TMSB10: variants seen among roughly 807,000 people sequenced by gnomAD.
The protein encoded by TMSB10 is thymosin beta 10, also known as thymosin beta-10.
Under a neutral mutation model 4.5 loss-of-function variants are expected in TMSB10, and 4 were observed. That is an observed-to-expected ratio of 0.89 (90% CI 0.44 to 2.03). The LOEUF (loss-of-function observed/expected upper bound fraction) is 2.03, where lower values mean the gene tolerates loss of function less well. TMSB10 is among the 30% of genes most tolerant of loss of function. TMSB10 has a pLI of 0.03. For missense variants in TMSB10, 44 were observed against 53.9 expected (o/e 0.82, Z 0.57); for synonymous variants, 17 against 20.3 (o/e 0.84, Z 0.44).
At chr2:84,906,312 C>A in intron 2 of TMSB10, 77 bp from the exon 3 acceptor site, 1 of 1,518,602 alleles carries the variant, frequency 6.6e-7, no homozygotes, top group South Asian at 1.2e-5. Flanking sequence ...GTGGGTGCCT[C>A]GCCCACACCG....
At position 84,905,911 on chromosome 2, in the gene TMSB10, G is replaced by A. The variant is rs1384418828; in HGVS notation, c.-15-92G>A. ...CCTTGGGGCTGCTCGGCACGCCTTG[G>A]CGCGAGTGCCACGTCGAGAGGCGTC... On this transcript the variant is annotated intron_variant, in intron 1 of 2. Coordinates refer to ENST00000233143, the MANE Select transcript of TMSB10 (RefSeq NM_021103.4). 3.7e-6 allele frequency: 4 copies of A among 1,069,312 alleles called. No individual in the cohort carries two copies. In the Admixed American group the frequency reaches 6.2e-5, roughly 17 times the overall value. 66.2% of individuals were successfully genotyped at this position (1,069,312 alleles called of 1,614,324 possible).
chr2:84,905,905 G>T, intron 1 of TMSB10, 98 bp from the exon 2 acceptor site: 2 of 993,912 alleles, frequency 2.0e-6, no homozygotes, highest in African/African-American at 1.6e-5. Context: ...TGCTCGGCAC[G>T]CCTTGGCGCG....
rs377588100 is a variant in TMSB10 at position 84,906,200 on chromosome 2, C to A, written c.100+83C>A. Reference sequence around the variant, plus strand: ...CAAACCCACTCCTCCACCCCCCACCCCGCCGTTGTCCCCGGTGTGGGCGGC... The same window carrying A: ...CAAACCCACTCCTCCACCCCCCACCACGCCGTTGTCCCCGGTGTGGGCGGC... On this transcript the variant is annotated intron_variant, in intron 2 of 2. Coordinates refer to ENST00000233143, the MANE Select transcript of TMSB10 (RefSeq NM_021103.4). The A allele has an allele frequency of 1.2e-4, 172 of 1,466,852 alleles. No individual in the cohort carries two copies. The African/African-American group carries it at 1.5e-3, about 13-fold the overall frequency. The allele number at this position is 1,466,852 out of a possible 1,614,324, so 90.9% of individuals were successfully genotyped here.
intron 2 of TMSB10, 66 bp downstream of exon 2, chr2:84,906,183 C>T (rs1461268481): frequency 2.6e-6 from 4 of 1,509,610 alleles, no homozygotes; most frequent in African/African-American, 1.4e-5. Flanking sequence ...TGCAAACCCA[C>T]TCCTCCACCC....
At chr2:84,906,299 C>G in intron 2 of TMSB10, 90 bp from the exon 3 acceptor site, 1 of 1,496,270 alleles carries the variant, frequency 6.7e-7, no homozygotes, top group Non-Finnish European at 9.0e-7. Context: ...ATCCCCACAC[C>G]TCGTGGGTGC....
rs779603945 is a variant in TMSB10 at position 84,906,069 on chromosome 2, C to T, written c.52C>T (p.Leu18=). The T allele has an allele frequency of 6.2e-7, 1 of 1,614,080 alleles. No homozygotes were observed. Among genetic ancestry groups the T allele is most frequent in the Admixed American group, 1.7e-5 (1 of 60,010 alleles). The change falls in exon 2 of 3, where the codon CTG becomes TTG. Residue 18 remains leucine, a synonymous_variant. Transcript: ENST00000233143. ...AATCGCCAGCTTCGATAAGGCCAAG[C>T]TGAAGAAAACGGAGACGCAGGAGAA... ...GEIASFDKAK[L]KKTETQEKNT... is the part of the protein sequence containing the mutation.
At position 84,906,460 on chromosome 2, in the gene TMSB10, A is replaced by T. The variant is rs1281281744; in HGVS notation, c.*37A>T. The T allele has an allele frequency of 1.9e-6, 3 of 1,590,980 alleles. No homozygotes were observed. Among genetic ancestry groups the T allele is most frequent in the Admixed American group, 3.4e-5 (2 of 58,042 alleles). ...ATTTCCTACCCCCGTCCTCTTCGAGACCCCAGTCGTGATGTGGAGGAAGAG... is the reference window on the plus strand; with the variant it reads ...ATTTCCTACCCCCGTCCTCTTCGAGTCCCCAGTCGTGATGTGGAGGAAGAG... On this transcript the variant is annotated 3_prime_UTR_variant, in exon 3 of 3. Transcript: ENST00000233143.
intron 1 of TMSB10, 110 bp downstream of exon 1, chr2:84,905,828 G>C: frequency 4.3e-6 from 2 of 468,662 alleles, no homozygotes; most frequent in Non-Finnish European, 7.5e-6. Context: ...GGACGCAGGG[G>C]CCGGCGACCA....
At chr2:84,906,289 A>G in intron 2 of TMSB10, 100 bp from the exon 3 acceptor site, 2 of 1,473,740 alleles carry the variant, frequency 1.4e-6, no homozygotes, top group East Asian at 5.0e-5. Flanking sequence ...TTCCTTCTAA[A>G]TCCCCACACC....
At position 84,905,915 on chromosome 2, in the gene TMSB10, G is replaced by T. The variant is rs566477953; in HGVS notation, c.-15-88G>T. The T allele has an allele frequency of 4.2e-4, 465 of 1,107,504 alleles. 4 individuals carry two copies. The East Asian group carries it at 0.012, about 27-fold the overall frequency. 68.6% of individuals were successfully genotyped at this position (1,107,504 alleles called of 1,614,324 possible). A position where few individuals can be genotyped will look rare whatever the true frequency, so the allele number is the denominator to read the frequency against. On this transcript the variant is annotated intron_variant, in intron 1 of 2. Transcript: ENST00000233143. ...GGGGCTGCTCGGCACGCCTTGGCGC[G>T]AGTGCCACGTCGAGAGGCGTCGGCG... is the stretch of plus-strand genomic sequence containing the variant.
Position 84,906,446 on chromosome 2 carries a change from CCGT to C in TMSB10, c.*25_*27del, listed in dbSNP as rs768983646. ...TAAGATCCTGGAGGATTTCCTACCC[CCGT>C]CCTCTTCGAGACCCCAGTCGTGATG... is the stretch of plus-strand genomic sequence containing the variant. On this transcript the variant is annotated 3_prime_UTR_variant, in exon 3 of 3. Coordinates refer to ENST00000233143, the MANE Select transcript of TMSB10 (RefSeq NM_021103.4). 5 of 1,602,184 alleles carry C rather than the reference CCGT, an allele frequency of 3.1e-6. No individual in the cohort carries two copies. The East Asian group carries it at 1.1e-4, about 36-fold the overall frequency.
chr2:84,906,276 A>G, intron 2 of TMSB10, 113 bp from the exon 3 acceptor site: 2 of 1,459,944 alleles, frequency 1.4e-6, no homozygotes, highest in Middle Eastern at 1.8e-4. Context: ...CCCAGCCCCA[A>G]GCTTCCTTCT....
At position 84,906,115 on chromosome 2, in the gene TMSB10, A is replaced by G; in HGVS notation, c.98A>G (p.Glu33Gly). 6.2e-7 allele frequency: 1 copy of G among 1,613,968 alleles called. No individual in the cohort carries two copies. Among genetic ancestry groups the G allele is most frequent in the Non-Finnish European group, 8.5e-7 (1 of 1,179,930 alleles). ...GAGAAGAACACCCTGCCGACCAAAG[A>G]GAGTGAGTGTGCCTCGGTCTCCCGC... is the stretch of plus-strand genomic sequence containing the variant. ...TQEKNTLPTKETIEQEKRSEI... is the reference protein window; with the variant it reads ...TQEKNTLPTKGTIEQEKRSEI... Residue 33 changes from glutamate (E) to glycine (G), a missense_variant and splice_region_variant, in exon 2 of 3, where the codon GAG becomes GGG. Transcript: ENST00000233143.
At chr2:84,905,785 C>T in intron 1 of TMSB10, 67 bp downstream of exon 1, 2 of 393,012 alleles carry the variant, frequency 5.1e-6, no homozygotes, top group South Asian at 6.2e-5. Flanking sequence ...CGGGCGGGCG[C>T]GCCGCAACCG....
At chr2:84,905,900 G>A in intron 1 of TMSB10, 103 bp from the exon 2 acceptor site, 1 of 941,036 alleles carries the variant, frequency 1.1e-6, no homozygotes, top group African/African-American at 1.6e-5. Context: ...GGGGCTGCTC[G>A]GCACGCCTTG....
In TMSB10 at chr2:84,906,107, G is replaced by A. The variant is rs1046274430; in HGVS notation, c.90G>A (p.Pro30=). 6.2e-7 allele frequency: 1 copy of A among 1,613,930 alleles called. No individual in the cohort carries two copies. Among genetic ancestry groups the A allele is most frequent in the Non-Finnish European group, 8.5e-7 (1 of 1,179,936 alleles). Residue 30 remains proline, a synonymous_variant, in exon 2 of 3, where the codon CCG becomes CCA. Transcript: ENST00000233143. ...KTETQEKNTL[P]TKETIEQEKR... is the part of the protein sequence containing the mutation. ...AGACGCAGGAGAAGAACACCCTGCC[G>A]ACCAAAGAGAGTGAGTGTGCCTCGG...
chr2:84,905,768 G>A (rs2105433129), intron 1 of TMSB10, 50 bp downstream of exon 1: 1 of 373,676 alleles, frequency 2.7e-6, no homozygotes, highest in South Asian at 3.1e-5. Context: ...GGTCGGATCC[G>A]GTGCACCGGG....
Position 84,906,484 on chromosome 2 carries a change from A to G in TMSB10, c.*61A>G. ...GACCCCAGTCGTGATGTGGAGGAAG[A>G]GCCACCTGCAAGATGGACACGAGCC... is the stretch of plus-strand genomic sequence containing the variant. On this transcript the variant is annotated 3_prime_UTR_variant, in exon 3 of 3. Transcript: ENST00000233143. 2.0e-6 allele frequency: 3 copies of G among 1,531,064 alleles called. No individual in the cohort carries two copies. Among genetic ancestry groups the G allele is most frequent in the South Asian group, 2.4e-5 (2 of 82,684 alleles). The allele number at this position is 1,531,064 out of a possible 1,614,324, so 94.8% of individuals were successfully genotyped here.
intron 1 of TMSB10, 84 bp downstream of exon 1, chr2:84,905,802 G>A (rs895054337): frequency 2.2e-5 from 9 of 417,738 alleles, no homozygotes; most frequent in Non-Finnish European, 3.4e-5. Context: ...ACCGCGACAG[G>A]CGCCCTTCTC....
Sources: gnomAD v4.1 joint callset for allele counts on GRCh38, gnomAD v4.1.1 for gene constraint, MANE v1.5 for transcripts, NCBI Gene and HGNC (gene_info 2026-07-23, HGNC 2026-07-21) for gene names.